NAA25: variants seen among roughly 807,000 people sequenced by gnomAD.
NAA25 encodes the protein N-alpha-acetyltransferase 25, NatB auxiliary subunit, also known as N-terminal acetyltransferase B complex subunit NAA25.
NAA25 carries 30 observed loss-of-function variants against 132.5 expected under a neutral mutation model. The ratio of observed to expected loss-of-function variants is 0.23; its 90% CI spans 0.17 to 0.31. The LOEUF (loss-of-function observed/expected upper bound fraction) is 0.31, where lower values mean the gene tolerates loss of function less well. NAA25 is among the 10% of genes least tolerant of loss of function. The pLI is 1.00. For synonymous variants in NAA25, 359 were observed against 401.9 expected (o/e 0.89, Z 1.28); for missense variants, 771 against 1,150.4 (o/e 0.67, Z 4.77).
At chr12:112,040,905 G>A (rs985667748) in intron 20 of NAA25, among the ~76,000 whole-genome samples, 9 of 152,170 alleles carry the variant, frequency 5.9e-5, no homozygotes, top group African/African-American at 2.2e-4. Context: ...GAGGACTTAT[G>A]CCATTATGGA....
intron 1 of NAA25, among the ~76,000 whole-genome samples, chr12:112,097,747 C>G (rs1593837978): frequency 6.6e-6 from 1 of 152,102 alleles, no homozygotes; most frequent in East Asian, 1.9e-4. Flanking sequence ...CCTCCCTTCT[C>G]CAGCCACAGC....
At chr12:112,056,521 C>T (rs75781263) in intron 13 of NAA25, among the ~76,000 whole-genome samples, 1 of 152,130 alleles carries the variant, frequency 6.6e-6, no homozygotes, top group African/African-American at 2.4e-5. Context: ...GGTGCCACTG[C>T]ACTCTAGCCT....
intron 3 of NAA25, among the ~76,000 whole-genome samples, chr12:112,090,051 TA>T (rs2079109470): frequency 6.6e-6 from 1 of 151,670 alleles, no homozygotes; most frequent in Non-Finnish European, 1.5e-5. Flanking sequence ...GGGCTGTCTC[TA>T]ACTCCTGACC....
At position 112,026,750 on chromosome 12, in the gene NAA25, A is replaced by G. The variant is rs1593731971; in HGVS notation, c.*2781T>C. On this transcript the variant is annotated 3_prime_UTR_variant, in exon 24 of 24. Transcript: ENST00000261745. The stretch of plus-strand genomic sequence containing the variant: ...CCATCCAGTTTAAAGTAGATTTGCT[A>G]TGCTTCACTTACTTAAGGAAGAATA... 1.3e-5 allele frequency: 2 copies of G among 152,234 alleles called. No individual in the cohort carries two copies. Among genetic ancestry groups the G allele is most frequent in the Admixed American group, 6.5e-5 (1 of 15,286 alleles). The allele number at this position is 152,234 out of a possible 1,614,324, so 9.4% of individuals were successfully genotyped here. A position where few individuals can be genotyped will look rare whatever the true frequency, so the allele number is the denominator to read the frequency against.
intron 12 of NAA25, among the ~76,000 whole-genome samples, chr12:112,060,860 A>C (rs762309359): frequency 6.6e-6 from 1 of 152,202 alleles, no homozygotes; most frequent in Non-Finnish European, 1.5e-5. Context: ...GTTCACTTAC[A>C]GTCTATATAT....
intron 17 of NAA25, among the ~76,000 whole-genome samples, chr12:112,045,984 G>A (rs1278197832): frequency 6.6e-6 from 1 of 152,176 alleles, no homozygotes; most frequent in African/African-American, 2.4e-5. Context: ...ATGACAGTAT[G>A]TGTAGAAAAG....
chr12:112,078,130 C>T (rs2078919397), intron 7 of NAA25, 58 bp downstream of exon 7: 2 of 1,239,446 alleles, frequency 1.6e-6, no homozygotes, highest in Non-Finnish European at 2.3e-6. Flanking sequence ...CTACAATAAA[C>T]ATTTTTCATG....
chr12:112,098,373 C>A (rs1730007427), intron 1 of NAA25, among the ~76,000 whole-genome samples: 1 of 152,090 alleles, frequency 6.6e-6, no homozygotes, highest in Non-Finnish European at 1.5e-5. Context: ...GTATCAGGCT[C>A]CCATTTCCTG....
At chr12:112,035,858 AT>A (rs922882168) in intron 22 of NAA25, among the ~76,000 whole-genome samples, 1 of 151,558 alleles carries the variant, frequency 6.6e-6, no homozygotes, top group Non-Finnish European at 1.5e-5. Flanking sequence ...ATTTTTAAAA[AT>A]TTTTTTGTTA....
intron 2 of NAA25, among the ~76,000 whole-genome samples, chr12:112,092,350 C>T (rs747222719): frequency 6.6e-6 from 1 of 151,990 alleles, no homozygotes; most frequent in Non-Finnish European, 1.5e-5. Context: ...GTCAGTTGGG[C>T]GCAGTAGCTC....
Position 112,087,684 on chromosome 12 carries a change from T to C in NAA25, c.401A>G (p.Gln134Arg). The C allele has an allele frequency of 6.2e-7, 1 of 1,606,730 alleles. No individual in the cohort carries two copies. The highest frequency in any genetic ancestry group is 8.5e-7 in the Non-Finnish European group (1 of 1,173,748). The change falls in exon 4 of 24, where the codon CAG becomes CGG. Residue 134 changes from glutamine (Q) to arginine (R), a missense_variant and splice_region_variant. Gln to Arg is a conservative substitution (Grantham distance 43, BLOSUM62 1). This residue lies in a region of NAA25 where 417 missense variants were observed against 733.8 expected (regional missense o/e 0.57). Transcript: ENST00000261745. ...ARVGEYKKMQ[Q>R]AGMALYKIVP... Reference sequence around the variant, plus strand: ...CAGTAGGTTTGGGGATCAAATTACCTGTTGCATTTTCTTGTATTCACCCAC... The same window carrying C: ...CAGTAGGTTTGGGGATCAAATTACCCGTTGCATTTTCTTGTATTCACCCAC...
chr12:112,070,603 G>A (rs12306198), intron 10 of NAA25, among the ~76,000 whole-genome samples: 19,043 of 151,750 alleles, frequency 0.13, 1,792 homozygotes, highest in African/African-American at 0.27. Context: ...ACAGAGTCTC[G>A]CTGTGTCACC....
Position 112,040,507 on chromosome 12 carries a change from A to G in NAA25, c.2512T>C (p.Leu838=). ...TCAACAAAGAAAACTAGATTTTCTA[A>G]AAGAGTAGGATGTGTTTTCAAGTTA... is the stretch of plus-strand genomic sequence containing the variant. The part of the protein sequence containing the change: ...DGNLKTHPTL[L]ENLVFFVETI... Residue 838 remains leucine (L), a synonymous_variant, in exon 21 of 24, where the codon TTA becomes CTA. Transcript: ENST00000261745. 6.3e-7 allele frequency: 1 copy of G among 1,599,206 alleles called. No homozygotes were observed. Among genetic ancestry groups the G allele is most frequent in the Non-Finnish European group, 8.6e-7 (1 of 1,169,446 alleles).
chr12:112,078,529 C>A (rs2078925092), intron 6 of NAA25, 105 bp downstream of exon 6: 2 of 1,049,836 alleles, frequency 1.9e-6, no homozygotes, highest in South Asian at 1.5e-5. Context: ...AAAGTGAGGA[C>A]CCAGCTATCA....
intron 17 of NAA25, among the ~76,000 whole-genome samples, chr12:112,044,487 G>A (rs991586269): frequency 1.3e-5 from 2 of 150,518 alleles, no homozygotes; most frequent in Non-Finnish European, 3.0e-5. Flanking sequence ...TGACTAATAC[G>A]GTGAAACCCC....
intron 17 of NAA25, among the ~76,000 whole-genome samples, chr12:112,044,299 C>A (rs528633251): frequency 6.6e-6 from 1 of 152,228 alleles, no homozygotes; most frequent in African/African-American, 2.4e-5. Flanking sequence ...CATTTACTAG[C>A]TGAATGACCT....
intron 22 of NAA25, chr12:112,034,133 T>C (rs2078190091): frequency 6.6e-6 from 1 of 152,210 alleles, no homozygotes; most frequent in African/African-American, 2.4e-5. Flanking sequence ...AATGTATATA[T>C]GCATATACAT....
chr12:112,059,762 C>T (rs2078597759), intron 13 of NAA25, among the ~76,000 whole-genome samples: 1 of 151,004 alleles, frequency 6.6e-6, no homozygotes, highest in African/African-American at 2.4e-5. Flanking sequence ...GAACAGATAT[C>T]CATTCATTTA....
intron 14 of NAA25, 34 bp from the exon 15 acceptor site, chr12:112,053,691 A>G: frequency 3.4e-6 from 5 of 1,474,698 alleles, no homozygotes; most frequent in Non-Finnish European, 4.7e-6. Flanking sequence ...AAAAAAAGAC[A>G]TGTTATACTT....
Sources: allele counts gnomAD v4.1 joint callset (sites outside exome capture counted in the v4.1 genomes callset), GRCh38; gene constraint gnomAD v4.1.1; regional missense constraint gnomAD v4.1.1; transcripts MANE v1.5; gene names NCBI Gene and HGNC (gene_info 2026-07-23, HGNC 2026-07-21).